ADK: variants seen among roughly 807,000 people sequenced by gnomAD.
ADK encodes the protein adenosine kinase.
Under a neutral mutation model 44.7 loss-of-function variants are expected in ADK, and 24 were observed. The observed-to-expected ratio is 0.54, with a 90% CI of 0.39 to 0.76. The LOEUF is 0.76. Ranked by LOEUF, ADK falls within the 30% of genes least tolerant of loss-of-function variation. The pLI is 0.00. For synonymous variants in ADK, 128 were observed against 142.6 expected, an observed-to-expected ratio of 0.90 and a Z score of 0.73; for missense variants, 321 against 425.1, an observed-to-expected ratio of 0.76 and a Z score of 2.15.
At chr10:74,597,879 C>T (rs993339629) in intron 8 of ADK, among the ~76,000 whole-genome samples, 1 of 152,166 alleles carries the variant, frequency 6.6e-6, no homozygotes, top group African/African-American at 2.4e-5. Context: ...CATCACTAAA[C>T]TAATCTATCT....
At chr10:74,185,623 G>A (rs568040007) in intron 1 of ADK, among the ~76,000 whole-genome samples, 7 of 150,396 alleles carry the variant, frequency 4.7e-5, no homozygotes, top group Non-Finnish European at 1.0e-4. Context: ...ACGAGGTCAG[G>A]AGATCGAGAC....
At chr10:74,378,290 T>C (rs909630666) in intron 4 of ADK, among the ~76,000 whole-genome samples, 17 of 152,252 alleles carry the variant, frequency 1.1e-4, no homozygotes, top group African/African-American at 2.9e-4. Flanking sequence ...GTTTGTTTTT[T>C]AATTTTTCCA....
chr10:74,319,647 A>G (rs1358439645), intron 4 of ADK, among the ~76,000 whole-genome samples: 2 of 152,174 alleles, frequency 1.3e-5, no homozygotes, highest in South Asian at 2.1e-4. Flanking sequence ...GATAACAACT[A>G]TGTGTTTTTA....
At chr10:74,402,930 G>C (rs1843771210) in intron 6 of ADK, among the ~76,000 whole-genome samples, 1 of 152,128 alleles carries the variant, frequency 6.6e-6, no homozygotes, top group Non-Finnish European at 1.5e-5. Flanking sequence ...TAGGGTTTTG[G>C]TGTGGATGTC....
chr10:74,346,619 G>A (rs889979578), intron 4 of ADK, among the ~76,000 whole-genome samples: 1 of 152,140 alleles, frequency 6.6e-6, no homozygotes, highest in Non-Finnish European at 1.5e-5. Flanking sequence ...GGATCGAGTA[G>A]CTCTGCAGCT....
At chr10:74,371,466 T>C in intron 4 of ADK, 2 of 643,446 alleles carry the variant, frequency 3.1e-6, no homozygotes, top group South Asian at 1.8e-5. Flanking sequence ...CTTTTCACAC[T>C]ACCCACATAG....
rs147185677 is a variant in ADK at position 74,539,169 on chromosome 10, TGTCAA to T, written c.726+13747_726+13751del. On this transcript the variant is annotated intron_variant, in intron 7 of 10. Coordinates refer to ENST00000539909, the MANE Select transcript of ADK (RefSeq NM_006721.4). ...TCTTGTTTGAATTTTTAAAAAATTT[TGTCAA>T]GTCTAGTTCTTTTATTTATTTATTT... Among the ~76,000 whole-genome samples the T allele has an allele frequency of 2.2e-3, 329 of 152,308 alleles. 1 individual carries two copies. The highest frequency in any genetic ancestry group is 7.3e-3 in the African/African-American group (304 of 41,572).
chr10:74,199,412 T>TTAA (rs1843290144), intron 1 of ADK, among the ~76,000 whole-genome samples: 1 of 152,238 alleles, frequency 6.6e-6, no homozygotes, highest in African/African-American at 2.4e-5. Flanking sequence ...ACCCAGTGTT[T>TTAA]AGCTTCCACT....
chr10:74,185,632 A>G (rs1415207526), intron 1 of ADK, among the ~76,000 whole-genome samples: 1 of 150,352 alleles, frequency 6.7e-6, no homozygotes, highest in African/African-American at 2.4e-5. Flanking sequence ...GGAGATCGAG[A>G]CTATCCTGGC....
intron 3 of ADK, among the ~76,000 whole-genome samples, chr10:74,302,289 T>C (rs1286864273): frequency 6.6e-6 from 1 of 151,350 alleles, no homozygotes; most frequent in Non-Finnish European, 1.5e-5. Flanking sequence ...GCCTGGCTAA[T>C]TTTTTGTATT....
intron 4 of ADK, among the ~76,000 whole-genome samples, chr10:74,390,441 G>A (rs1843293498): frequency 6.6e-6 from 1 of 152,078 alleles, no homozygotes; most frequent in Non-Finnish European, 1.5e-5. Context: ...TTACAGAATA[G>A]TAAAATGAAC....
In ADK at chr10:74,708,673, G is replaced by A. The variant is rs1856689994; in HGVS notation, c.*228G>A. On this transcript the variant is annotated 3_prime_UTR_variant, in exon 11 of 11. Coordinates refer to ENST00000539909, the MANE Select transcript of ADK (RefSeq NM_006721.4). ...CATAGTTTGATAGTGCCACTTAAATGCCAATTAAACAAGAATATAACATTT... is the reference window on the plus strand; with the variant it reads ...CATAGTTTGATAGTGCCACTTAAATACCAATTAAACAAGAATATAACATTT... The A allele has an allele frequency of 7.1e-6, 3 of 421,144 alleles. No homozygotes were observed. Among genetic ancestry groups the A allele is most frequent in the Non-Finnish European group, 1.3e-5 (3 of 229,524 alleles). The allele number at this position is 421,144 out of a possible 1,614,324, so 26.1% of individuals were successfully genotyped here. A position where few individuals can be genotyped will look rare whatever the true frequency, so the allele number is the denominator to read the frequency against.
chr10:74,193,100 G>A (rs1158798958), intron 1 of ADK, among the ~76,000 whole-genome samples: 1 of 152,088 alleles, frequency 6.6e-6, no homozygotes, highest in Non-Finnish European at 1.5e-5. Context: ...TTTTCTTGAT[G>A]ATTTGACCTA....
At chr10:74,539,565 A>G (rs368457134) in intron 7 of ADK, among the ~76,000 whole-genome samples, 38 of 152,282 alleles carry the variant, frequency 2.5e-4, no homozygotes, top group African/African-American at 9.1e-4. Flanking sequence ...GACTGTGCAT[A>G]TAGATCTCTT....
intron 6 of ADK, among the ~76,000 whole-genome samples, chr10:74,495,424 C>A (rs1317308178): frequency 1.3e-5 from 2 of 152,034 alleles, no homozygotes; most frequent in Non-Finnish European, 2.9e-5. Flanking sequence ...GACCTTTCAA[C>A]TTCCTTAGGG....
chr10:74,184,501 T>TTTTG (rs1842675406), intron 1 of ADK, among the ~76,000 whole-genome samples: 1 of 138,418 alleles, frequency 7.2e-6, no homozygotes, highest in Non-Finnish European at 1.5e-5. Flanking sequence ...TGGCTATATT[T>TTTTG]TGTGTGTGTG....
At chr10:74,656,622 C>A (rs1854497147) in intron 9 of ADK, among the ~76,000 whole-genome samples, 1 of 152,072 alleles carries the variant, frequency 6.6e-6, no homozygotes, top group African/African-American at 2.4e-5. Flanking sequence ...GTTCTGTATC[C>A]TTGCGCAAAC....
intron 4 of ADK, among the ~76,000 whole-genome samples, chr10:74,361,613 T>C (rs936236785): frequency 6.6e-6 from 1 of 152,258 alleles, no homozygotes; most frequent in Admixed American, 6.5e-5. Flanking sequence ...TTATTTTTAA[T>C]AGTTTTGTCT....
intron 7 of ADK, among the ~76,000 whole-genome samples, chr10:74,583,749 T>C (rs1851444313): frequency 6.6e-6 from 1 of 152,208 alleles, no homozygotes; most frequent in Non-Finnish European, 1.5e-5. Flanking sequence ...GTTAACCTCA[T>C]GTATAAAATG....
Sources: gnomAD v4.1 joint callset for allele counts (sites outside exome capture counted in the v4.1 genomes callset) on GRCh38, gnomAD v4.1.1 for gene constraint, MANE v1.5 for transcripts, NCBI Gene and HGNC (gene_info 2026-07-23, HGNC 2026-07-21) for gene names.